The following BAHCC1 variants were observed in gnomAD, a reference collection of about 807,000 sequenced individuals.
BAHCC1 encodes BAH domain and coiled-coil containing 1, also known as BAH and coiled-coil domain-containing protein 1.
A neutral mutation model predicts 88.2 loss-of-function variants in BAHCC1; 43 were observed. That is an observed-to-expected ratio of 0.49 (90% confidence interval 0.38 to 0.63). The LOEUF (loss-of-function observed/expected upper bound fraction) is 0.63. BAHCC1 is among the 20% of genes least tolerant of loss of function. The probability of loss-of-function intolerance (pLI) is 0.00; values close to 1 mark genes in which losing one functional copy is unlikely to be tolerated. For synonymous variants in BAHCC1, 1,510 were observed against 745.5 expected (o/e 2.03, Z -16.71); for missense variants, 3,023 against 1,654.8 (o/e 1.83, Z -14.34).
chr17:81,445,384 GAGGAGCCCGCCC>G lies in BAHCC1; in HGVS notation c.2872_2883del (p.Pro958_Glu961del). 1 of 777,158 alleles carries G rather than the reference GAGGAGCCCGCCC, an allele frequency of 1.3e-6. No homozygotes were observed. The highest frequency in any genetic ancestry group is 2.4e-6 in the Non-Finnish European group (1 of 417,200). 48.1% of individuals were successfully genotyped at this position (777,158 alleles called of 1,614,324 possible). A position where few individuals can be genotyped will look rare whatever the true frequency, so the allele number is the denominator to read the frequency against. On this transcript the variant is annotated inframe_deletion, in exon 10 of 28. Coordinates refer to ENST00000675386, the MANE Select transcript of BAHCC1 (RefSeq NM_001377448.1). ...GCCCGAAGACCAGCACCTGGATCTG[GAGGAGCCCGCCC>G]AGGAGAAGGCCCCAAAGTCCACCCA... is the stretch of plus-strand genomic sequence containing the variant.
chr17:81,413,167 G>A (rs905653488), intron 2 of BAHCC1: 8 of 430,900 alleles, frequency 1.9e-5, no homozygotes, highest in South Asian at 4.9e-5. Context: ...AGAGTGGGCC[G>A]TCGGGACCCC....
intron 2 of BAHCC1, chr17:81,415,435 G>A: frequency 7.0e-6 from 3 of 427,772 alleles, no homozygotes; most frequent in South Asian, 5.2e-5. Context: ...ACGTCCCCCT[G>A]GAAGGGTAAC....
At position 81,435,277 on chromosome 17, in the gene BAHCC1, CT is replaced by C. The variant is rs1479111225; in HGVS notation, c.359-3092del. On this transcript the variant is annotated intron_variant, in intron 3 of 27. Transcript: ENST00000675386. This position sits in a 1 kb window ranked among gnomAD's most constrained non-coding sequence, Gnocchi z 4.4. ...GCCCACGCGTGGCCCCCTGGCTTTA[CT>C]AACCCATCAGGTGCCTGTGGCTTTG... Among the ~76,000 whole-genome samples the C allele has an allele frequency of 6.6e-6, 1 of 152,134 alleles. No homozygotes were observed. Among genetic ancestry groups the C allele is most frequent in the Non-Finnish European group, 1.5e-5 (1 of 68,014 alleles).
intron 2 of BAHCC1, among the ~76,000 whole-genome samples, chr17:81,418,780 T>TGTGC (rs1165560844): frequency 0.16 from 23,102 of 142,042 alleles, 1,916 homozygotes; most frequent in African/African-American, 0.2. Flanking sequence ...TGTGTACGTG[T>TGTGC]GTGTGTACGT....
rs12600846 is a variant in BAHCC1, at chr17:81,435,488, C to T, written c.359-2882C>T. On this transcript the variant is annotated intron_variant, in intron 3 of 27. Transcript: ENST00000675386. This position sits in a 1 kb window ranked among gnomAD's most constrained non-coding sequence, Gnocchi z 4.4. ...TGTCCTGACCACCTCTCTGGCGGTT[C>T]GCTTAGCCCAGGGCTTGCCCTTGTC... The T allele has an allele frequency of 0.12, 55,126 of 470,822 alleles. 3,597 individuals carry two copies. Among genetic ancestry groups the T allele is most frequent in the Non-Finnish European group, 0.14 (32,005 of 226,842 alleles). The allele number at this position is 470,822 out of a possible 1,614,324, so 29.2% of individuals were successfully genotyped here. A position where few individuals can be genotyped will look rare whatever the true frequency, so the allele number is the denominator to read the frequency against.
chr17:81,444,628 G>A (rs374897995), intron 7 of BAHCC1, 40 bp from the exon 8 acceptor site: 119 of 760,820 alleles, frequency 1.6e-4, no homozygotes, highest in African/African-American at 1.3e-3. Flanking sequence ...CCTGGTCCCC[G>A]AGAGTGCGAG....
At chr17:81,437,958 T>C (rs112389764) in intron 3 of BAHCC1, among the ~76,000 whole-genome samples, 1 of 152,278 alleles carries the variant, frequency 6.6e-6, no homozygotes, top group African/African-American at 2.4e-5. Context: ...GGGGCCTGCC[T>C]TGGGGAGGCC....
intron 2 of BAHCC1, among the ~76,000 whole-genome samples, chr17:81,419,362 G>C (rs1295656641): frequency 2.6e-5 from 4 of 152,274 alleles, no homozygotes; most frequent in Non-Finnish European, 4.4e-5. Flanking sequence ...AGGAACCTGT[G>C]CAGGGCGGCT....
At chr17:81,437,340 G>T (rs1254795888) in intron 3 of BAHCC1, among the ~76,000 whole-genome samples, 1 of 152,206 alleles carries the variant, frequency 6.6e-6, no homozygotes, top group Non-Finnish European at 1.5e-5. Flanking sequence ...TGCACGGAGG[G>T]CTGGGGCTGG....
intron 2 of BAHCC1, among the ~76,000 whole-genome samples, chr17:81,425,637 GGTTATGTGGTTGGT>G (rs2064179226): frequency 6.6e-6 from 1 of 151,282 alleles, no homozygotes. Context: ...TGTGGTTGGT[GGTTATGTGGTTGGT>G]GGTGATGTGG....
chr17:81,427,053 A>C, intron 3 of BAHCC1, 74 bp downstream of exon 3: 1 of 398,438 alleles, frequency 2.5e-6, no homozygotes, highest in Non-Finnish European at 4.4e-6. Context: ...GGCCAGGGGC[A>C]GGTGAGGGGC....
intron 11 of BAHCC1, among the ~76,000 whole-genome samples, chr17:81,450,064 GC>G (rs1174176993): frequency 6.6e-6 from 1 of 152,204 alleles, no homozygotes; most frequent in Non-Finnish European, 1.5e-5. Flanking sequence ...TCTCTGGGGA[GC>G]CCCGGTCCGT....
In BAHCC1 at chr17:81,444,699, GC is replaced by G; in HGVS notation, c.2550del (p.Gly851AlafsTer123). On this transcript the variant is annotated frameshift_variant, in exon 8 of 28. Coordinates refer to ENST00000675386, the MANE Select transcript of BAHCC1 (RefSeq NM_001377448.1). LOFTEE classifies it high-confidence loss of function. ...GGCACCCTGCCCTGCACCAGAACCT[GC>G]CCCCCGGCTTCCCCGCCTCCGTGGC... ...LGHPALHQNL[P>X]PGFPASVAGP... is the part of the protein sequence containing the mutation. 1 of 776,016 alleles carries G rather than the reference GC, an allele frequency of 1.3e-6. No individual in the cohort carries two copies. The allele number at this position is 776,016 out of a possible 1,614,324, so 48.1% of individuals were successfully genotyped here. A position where few individuals can be genotyped will look rare whatever the true frequency, so the allele number is the denominator to read the frequency against.
chr17:81,458,323 G>C lies in BAHCC1; in HGVS notation c.5200G>C (p.Ala1734Pro), dbSNP rs1555657991. The change falls in exon 18 of 28, where the codon GCA becomes CCA. Residue 1734 changes from alanine to proline, a missense_variant. Physicochemically the swap from Ala to Pro is conservative, Grantham distance 27 (BLOSUM62 -1). Coordinates refer to ENST00000675386, the MANE Select transcript of BAHCC1 (RefSeq NM_001377448.1). ...GGGCAAGGCCAAGGGCAGCCTGCGG[G>C]CAGAGCCGGGGGCCACCCCCAGCAG... The part of the protein sequence containing the change: ...AKGKAKGSLR[A>P]EPGATPSRDA... The C allele has an allele frequency of 1.3e-6, 1 of 744,304 alleles. No individual in the cohort carries two copies. Among genetic ancestry groups the C allele is most frequent in the African/African-American group, 1.7e-5 (1 of 58,580 alleles). 46.1% of individuals were successfully genotyped at this position (744,304 alleles called of 1,614,324 possible).
chr17:81,463,538 G>A (rs1373277327), intron 27 of BAHCC1, 73 bp from the exon 28 acceptor site: 1 of 762,126 alleles, frequency 1.3e-6, no homozygotes, highest in South Asian at 1.4e-5. Context: ...GGGTGGGCGG[G>A]TGGTCTTTCC....
intron 3 of BAHCC1, among the ~76,000 whole-genome samples, chr17:81,429,371 C>CG (rs1274863350): frequency 3.9e-5 from 6 of 152,344 alleles, no homozygotes; most frequent in African/African-American, 1.4e-4. Flanking sequence ...TCCCACCCCC[C>CG]GGGATCCCCT....
chr17:81,419,998 G>A (rs2064096682), intron 2 of BAHCC1, among the ~76,000 whole-genome samples: 1 of 152,154 alleles, frequency 6.6e-6, no homozygotes. Context: ...CAGGAGAGTG[G>A]GGTGGGGCAC....
intron 3 of BAHCC1, among the ~76,000 whole-genome samples, chr17:81,429,365 A>AC: frequency 6.6e-6 from 1 of 151,512 alleles, no homozygotes; most frequent in East Asian, 2.0e-4. Flanking sequence ...CAGTTGTCCC[A>AC]CCCCCCGGGA....
intron 2 of BAHCC1, among the ~76,000 whole-genome samples, chr17:81,408,406 C>T (rs2143239977): frequency 7.5e-6 from 1 of 133,790 alleles, no homozygotes. Context: ...ACCCCCCAGG[C>T]TCCCACCCTG....
Sources: gnomAD v4.1 joint callset for allele counts (sites outside exome capture counted in the v4.1 genomes callset) on GRCh38, gnomAD v4.1.1 for gene constraint, Gnocchi (gnomAD v3.1) non-coding constraint, MANE v1.5 for transcripts, NCBI Gene and HGNC (gene_info 2026-07-23, HGNC 2026-07-21) for gene names.